TMEM81: variants seen among roughly 807,000 people sequenced by gnomAD.
TMEM81 encodes transmembrane protein 81.
For missense variants in TMEM81, 294 were observed against 300.5 expected, an observed-to-expected ratio of 0.98 and a Z score of 0.16; for synonymous variants, 132 against 119.1, an observed-to-expected ratio of 1.11 and a Z score of -0.71.
At position 205,083,762 on chromosome 1, in the gene TMEM81, T is replaced by G; in HGVS notation, c.559A>C (p.Asn187His). The G allele has an allele frequency of 1.9e-6, 3 of 1,614,176 alleles. No individual in the cohort carries two copies. The highest frequency in any genetic ancestry group is 2.2e-5 in the South Asian group (2 of 91,080). The change falls in exon 1 of 1, where the codon AAT (asparagine) becomes CAT (histidine). Residue 187 changes from asparagine to histidine, a missense_variant. Physicochemically the swap from Asn to His is moderately conservative, Grantham distance 68. Coordinates refer to ENST00000367167, the MANE Select transcript of TMEM81 (RefSeq NM_203376.2). ...GTAAGTGACTGATGGAAATTCAGAT[T>G]CACCAAGTTAGGAGGAAGGACCCTC... ...GLRVLPPNLV[N>H]LNFHQSLTED...
rs915484819 is a variant in TMEM81 at position 205,084,435 on chromosome 1, T to C, written c.-115A>G. 2.8e-6 allele frequency: 3 copies of C among 1,088,194 alleles called. No individual in the cohort carries two copies. The highest frequency in any genetic ancestry group is 2.6e-5 in the Admixed American group (1 of 38,564). 67.4% of individuals were successfully genotyped at this position (1,088,194 alleles called of 1,614,324 possible). A position where few individuals can be genotyped will look rare whatever the true frequency, so the allele number is the denominator to read the frequency against. ...TGAGATATCCTTCAAAGTCAAAAGA[T>C]ATGATGCATGTATTGTCAATAAAAC... On this transcript the variant is annotated 5_prime_UTR_variant, in exon 1 of 1. It adds an upstream start codon to the 5' untranslated region. Transcript: ENST00000367167.
chr1:205,084,013 C>T lies in TMEM81; in HGVS notation c.308G>A (p.Ser103Asn). The T allele has an allele frequency of 6.2e-7, 1 of 1,614,194 alleles. No homozygotes were observed. Among genetic ancestry groups the T allele is most frequent in the African/African-American group, 1.3e-5 (1 of 75,040 alleles). Residue 103 changes from serine to asparagine, a missense_variant, in exon 1 of 1, where the codon AGC becomes AAC. Ser to Asn is a conservative substitution (Grantham distance 46). Transcript: ENST00000367167. Reference sequence around the variant, plus strand: ...CTCCAAGATGTCTGAACTCAGACAGCTAAGCTCAAATTCCTTGCCAATGAG... The same window carrying T: ...CTCCAAGATGTCTGAACTCAGACAGTTAAGCTCAAATTCCTTGCCAATGAG... ...TILIGKEFEL[S>N]CLSSDILEFG...
chr1:205,084,161 C>T lies in TMEM81; in HGVS notation c.160G>A (p.Gly54Ser), dbSNP rs748791365. Reference protein sequence around the residue: ...INATTCTVTCGLGYKEETVCE... With the variant: ...INATTCTVTCSLGYKEETVCE... ...ACGGTCTCCTCCTTATAGCCAAGGC[C>T]ACAGGTGACAGTACAGGTTGTGGCA... The change falls in exon 1 of 1, where the codon GGC becomes AGC. Residue 54 changes from glycine (G) to serine (S), a missense_variant. Physicochemically the swap from Gly to Ser is moderately conservative, Grantham distance 56. Coordinates refer to ENST00000367167, the MANE Select transcript of TMEM81 (RefSeq NM_203376.2). The T allele has an allele frequency of 6.2e-7, 1 of 1,614,158 alleles. No individual in the cohort carries two copies. The highest frequency in any genetic ancestry group is 1.1e-5 in the South Asian group (1 of 91,076).
chr1:205,083,348 A>T lies in TMEM81; in HGVS notation c.*205T>A, dbSNP rs1655057086. The T allele has an allele frequency of 3.6e-6, 2 of 554,860 alleles. No individual in the cohort carries two copies. The highest frequency in any genetic ancestry group is 6.2e-6 in the Non-Finnish European group (2 of 324,032). The allele number at this position is 554,860 out of a possible 1,614,324, so 34.4% of individuals were successfully genotyped here. On this transcript the variant is annotated 3_prime_UTR_variant, in exon 1 of 1. Coordinates refer to ENST00000367167, the MANE Select transcript of TMEM81 (RefSeq NM_203376.2). The stretch of plus-strand genomic sequence containing the variant: ...AATGGGCAGGGAAGATCAGGAAGAG[A>T]TCCATGGGACATAAGGAAGTTAGGT...
Position 205,084,374 on chromosome 1 carries a change from G to C in TMEM81, c.-54C>G. ...CCAGCACCCACAAGGTATTCCAGCT[G>C]AATCCTCTATAAATCATAACTTGAT... is the stretch of plus-strand genomic sequence containing the variant. On this transcript the variant is annotated 5_prime_UTR_variant, in exon 1 of 1. Coordinates refer to ENST00000367167, the MANE Select transcript of TMEM81 (RefSeq NM_203376.2). 1 of 1,544,504 alleles carries C rather than the reference G, an allele frequency of 6.5e-7. No individual in the cohort carries two copies.
rs966684632 is a variant in TMEM81, at chr1:205,083,337, A to G, written c.*216T>C. On this transcript the variant is annotated 3_prime_UTR_variant, in exon 1 of 1. Transcript: ENST00000367167. ...CCTGGGTACCCAATGGGCAGGGAAG[A>G]TCAGGAAGAGATCCATGGGACATAA... is the stretch of plus-strand genomic sequence containing the variant. 2 of 530,156 alleles carry G rather than the reference A, an allele frequency of 3.8e-6. No individual in the cohort carries two copies. Among genetic ancestry groups the G allele is most frequent in the African/African-American group, 3.8e-5 (2 of 52,694 alleles). The allele number at this position is 530,156 out of a possible 1,614,324, so 32.8% of individuals were successfully genotyped here.
At position 205,083,743 on chromosome 1, in the gene TMEM81, G is replaced by A; in HGVS notation, c.578C>T (p.Ser193Leu). The change falls in exon 1 of 1, where the codon TCA becomes TTA. Residue 193 changes from serine (S) to leucine (L), a missense_variant. By Grantham distance (145) the Ser-to-Leu change is moderately radical. Coordinates refer to ENST00000367167, the MANE Select transcript of TMEM81 (RefSeq NM_203376.2). Reference protein sequence around the residue: ...PNLVNLNFHQSLTEDQKLIDE... With the variant: ...PNLVNLNFHQLLTEDQKLIDE... ...TATTAACTTCTGATCCTCAGTAAGT[G>A]ACTGATGGAAATTCAGATTCACCAA... The A allele has an allele frequency of 6.2e-7, 1 of 1,614,176 alleles. No individual in the cohort carries two copies. Among genetic ancestry groups the A allele is most frequent in the South Asian group, 1.1e-5 (1 of 91,074 alleles).
In TMEM81 at chr1:205,084,146, C is replaced by T; in HGVS notation, c.175G>A (p.Glu59Lys). Residue 59 changes from glutamate (E) to lysine (K), a missense_variant, in exon 1 of 1, where the codon GAG (glutamate) becomes AAG (lysine). Transcript: ENST00000367167. ...GGGCCCACCTCACAGACGGTCTCCT[C>T]CTTATAGCCAAGGCCACAGGTGACA... ...CTVTCGLGYK[E>K]ETVCEVGPDG... 1 of 1,614,184 alleles carries T rather than the reference C, an allele frequency of 6.2e-7. No homozygotes were observed. The highest frequency in any genetic ancestry group is 8.5e-7 in the Non-Finnish European group (1 of 1,180,042).
Position 205,084,231 on chromosome 1 carries a change from G to A in TMEM81, c.90C>T (p.Ala30=), listed in dbSNP as rs1435984989. 1.9e-6 allele frequency: 3 copies of A among 1,614,120 alleles called. No homozygotes were observed. Among genetic ancestry groups the A allele is most frequent in the East Asian group, 2.2e-5 (1 of 44,882 alleles). The change falls in exon 1 of 1, where the codon GCC becomes GCT. Residue 30 remains alanine (A), a synonymous_variant. Coordinates refer to ENST00000367167, the MANE Select transcript of TMEM81 (RefSeq NM_203376.2). ...PLVVTTPKTL[A]IPEKLQEAVG... ...CAGCTTCTTGCAGCTTCTCAGGGAT[G>A]GCCAGTGTTTTAGGTGTAGTCACCA...
Position 205,083,870 on chromosome 1 carries a change from G to T in TMEM81, c.451C>A (p.Gln151Lys), listed in dbSNP as rs369137007. 7.8e-5 allele frequency: 126 copies of T among 1,614,066 alleles called. No homozygotes were observed. The highest frequency in any genetic ancestry group is 1.0e-4 in the Non-Finnish European group (118 of 1,180,038). Residue 151 changes from glutamine to lysine, a missense_variant, in exon 1 of 1, where the codon CAG becomes AAG. Gln to Lys is a moderately conservative substitution (Grantham distance 53). Coordinates refer to ENST00000367167, the MANE Select transcript of TMEM81 (RefSeq NM_203376.2). ...NSHFVKFKYAQEYDSGTYRCD... is the reference protein window; with the variant it reads ...NSHFVKFKYAKEYDSGTYRCD... ...CGATATGTCCCAGAGTCATACTCCT[G>T]AGCATATTTAAACTTCACAAAGTGG... is the stretch of plus-strand genomic sequence containing the variant.
chr1:205,084,151 T>C lies in TMEM81; in HGVS notation c.170A>G (p.Tyr57Cys), dbSNP rs753940851. Residue 57 changes from tyrosine to cysteine, a missense_variant, in exon 1 of 1, where the codon TAT becomes TGT. Physicochemically the swap from Tyr to Cys is radical, Grantham distance 194. Coordinates refer to ENST00000367167, the MANE Select transcript of TMEM81 (RefSeq NM_203376.2). ...CACCTCACAGACGGTCTCCTCCTTA[T>C]AGCCAAGGCCACAGGTGACAGTACA... is the stretch of plus-strand genomic sequence containing the variant. Reference protein sequence around the residue: ...TTCTVTCGLGYKEETVCEVGP... With the variant: ...TTCTVTCGLGCKEETVCEVGP... 5.6e-6 allele frequency: 9 copies of C among 1,614,196 alleles called. No individual in the cohort carries two copies. The highest frequency in any genetic ancestry group is 4.5e-5 in the East Asian group (2 of 44,878).
Position 205,083,948 on chromosome 1 carries a change from G to A in TMEM81, c.373C>T (p.Arg125Ter), listed in dbSNP as rs148879722. The A allele has an allele frequency of 1.5e-5, 25 of 1,614,004 alleles. No individual in the cohort carries two copies. Among genetic ancestry groups the A allele is most frequent in the South Asian group, 1.1e-4 (10 of 91,082 alleles). The stretch of plus-strand genomic sequence containing the variant: ...TCATCGTCAGTGGAGATGACACCTC[G>A]AGCAAGTCTCCAGGTGAACCGGAAA... Reference protein sequence around the residue: ...EAFRFTWRLARGVISTDDEVF... With the variant: ...EAFRFTWRLA The change falls in exon 1 of 1, where the codon CGA becomes TGA. Residue 125 changes from arginine to a stop codon, truncating the protein, a stop_gained. Transcript: ENST00000367167. LOFTEE classifies it low-confidence loss of function (END_TRUNC).
chr1:205,083,499 G>T lies in TMEM81; in HGVS notation c.*54C>A. 1.3e-6 allele frequency: 2 copies of T among 1,538,946 alleles called. No individual in the cohort carries two copies. The highest frequency in any genetic ancestry group is 8.7e-7 in the Non-Finnish European group (1 of 1,143,186). The stretch of plus-strand genomic sequence containing the variant: ...GAACACTCCCCTAAAAAGCTAGCTT[G>T]GCTTCCTGGGCAGCCAGTTCTTCAG... On this transcript the variant is annotated 3_prime_UTR_variant, in exon 1 of 1. Transcript: ENST00000367167.
chr1:205,084,229 ATG>A lies in TMEM81; in HGVS notation c.90_91del (p.Ile31ProfsTer2). ...CACAGCTTCTTGCAGCTTCTCAGGG[ATG>A]GCCAGTGTTTTAGGTGTAGTCACCA... On this transcript the variant is annotated frameshift_variant, in exon 1 of 1. Transcript: ENST00000367167. LOFTEE classifies it low-confidence loss of function (END_TRUNC). 1 of 1,614,056 alleles carries A rather than the reference ATG, an allele frequency of 6.2e-7. No individual in the cohort carries two copies. The highest frequency in any genetic ancestry group is 1.7e-5 in the Admixed American group (1 of 60,008).
In TMEM81 at chr1:205,083,473, G is replaced by A. The variant is rs1036000623; in HGVS notation, c.*80C>T. ...CTAAGCTGATCCACTACCAGCAGCT[G>A]GAACACTCCCCTAAAAAGCTAGCTT... is the stretch of plus-strand genomic sequence containing the variant. On this transcript the variant is annotated 3_prime_UTR_variant, in exon 1 of 1. Coordinates refer to ENST00000367167, the MANE Select transcript of TMEM81 (RefSeq NM_203376.2). 3 of 1,484,490 alleles carry A rather than the reference G, an allele frequency of 2.0e-6. No homozygotes were observed. The African/African-American group carries it at 4.2e-5, about 21-fold the overall frequency. The allele number at this position is 1,484,490 out of a possible 1,614,324, so 92.0% of individuals were successfully genotyped here. A position where few individuals can be genotyped will look rare whatever the true frequency, so the allele number is the denominator to read the frequency against.
Position 205,083,670 on chromosome 1 carries a change from G to A in TMEM81, c.651C>T (p.His217=), listed in dbSNP as rs200531079. 7.7e-5 allele frequency: 125 copies of A among 1,614,188 alleles called. No homozygotes were observed. Among genetic ancestry groups the A allele is most frequent in the African/African-American group, 1.3e-4 (10 of 75,032 alleles). Residue 217 remains histidine, a synonymous_variant, in exon 1 of 1, where the codon CAC becomes CAT. Coordinates refer to ENST00000367167, the MANE Select transcript of TMEM81 (RefSeq NM_203376.2). ...VNLDSYSKPH[H]PKWKKKVASA... ...ACGCCACCTTCTTTTTCCACTTTGG[G>A]TGGTGAGGCTTGGAGTAGCTGTCCA...
At position 205,084,081 on chromosome 1, in the gene TMEM81, T is replaced by G. The variant is rs767451741; in HGVS notation, c.240A>C (p.Glu80Asp). The G allele has an allele frequency of 1.9e-6, 3 of 1,614,050 alleles. No homozygotes were observed. Among genetic ancestry groups the G allele is most frequent in the Middle Eastern group, 1.6e-4 (1 of 6,084 alleles). Reference sequence around the variant, plus strand: ...TCCCACAGATCCAGTTGGTCAGACATTCTAAGCGCCGAGTCTGACATTTCC... The same window carrying G: ...TCCCACAGATCCAGTTGGTCAGACAGTCTAAGCGCCGAGTCTGACATTTCC... ...VRRKCQTRRL[E>D]CLTNWICGML... Residue 80 changes from glutamate to aspartate, a missense_variant, in exon 1 of 1, where the codon GAA becomes GAC. Coordinates refer to ENST00000367167, the MANE Select transcript of TMEM81 (RefSeq NM_203376.2).
Position 205,084,447 on chromosome 1 carries a change from A to G in TMEM81, c.-127T>C, listed in dbSNP as rs984453044. 13 of 971,402 alleles carry G rather than the reference A, an allele frequency of 1.3e-5. No individual in the cohort carries two copies. The highest frequency in any genetic ancestry group is 2.2e-4 in the Middle Eastern group (1 of 4,576). The allele number at this position is 971,402 out of a possible 1,614,324, so 60.2% of individuals were successfully genotyped here. ...CAAAGTCAAAAGATATGATGCATGT[A>G]TTGTCAATAAAACAACACAACTTAA... On this transcript the variant is annotated 5_prime_UTR_variant, in exon 1 of 1. Transcript: ENST00000367167.
In TMEM81 at chr1:205,083,649, C is replaced by T; in HGVS notation, c.672G>A (p.Val224=). 6.2e-7 allele frequency: 1 copy of T among 1,614,236 alleles called. No individual in the cohort carries two copies. Among genetic ancestry groups the T allele is most frequent in the Non-Finnish European group, 8.5e-7 (1 of 1,180,054 alleles). The change falls in exon 1 of 1, where the codon GTG becomes GTA. Residue 224 remains valine (V), a synonymous_variant. Transcript: ENST00000367167. ...CAATTCCTATTCCCAAGGCTGACGC[C>T]ACCTTCTTTTTCCACTTTGGGTGGT... ...KPHHPKWKKK[V]ASALGIGIAI...
Sources: allele counts gnomAD v4.1 joint callset, GRCh38; gene constraint gnomAD v4.1.1; transcripts MANE v1.5; gene names NCBI Gene and HGNC (gene_info 2026-07-23, HGNC 2026-07-21).